The following TINAGL1 variants were observed in gnomAD, a reference collection of about 807,000 sequenced individuals.
TINAGL1 encodes the protein tubulointerstitial nephritis antigen-like.
In TINAGL1, 34 loss-of-function variants were observed where a neutral mutation model predicts 62.0. The observed-to-expected ratio is 0.55, with a 90% CI of 0.42 to 0.73. TINAGL1 has a LOEUF of 0.73. Among genes scored for constraint, TINAGL1 ranks in the 30% least tolerant of loss-of-function variants. The probability of loss-of-function intolerance (pLI) is 0.00; values close to 1 mark genes in which losing one functional copy is unlikely to be tolerated. For missense variants in TINAGL1, 516 were observed against 653.2 expected (o/e 0.79, Z 2.29); for synonymous variants, 221 against 249.7 (o/e 0.88, Z 1.08).
chr1:31,585,215 C>CCCTAGA lies in TINAGL1; in HGVS notation c.925_926insAGACCT (p.Pro308_Cys309insTer). 2 of 1,612,968 alleles carry CCCTAGA rather than the reference C, an allele frequency of 1.2e-6. No individual in the cohort carries two copies. Among genetic ancestry groups the CCCTAGA allele is most frequent in the Non-Finnish European group, 1.7e-6 (2 of 1,179,416 alleles). The stretch of plus-strand genomic sequence containing the variant: ...ACGAGACGAGGCTGGCCCTGCGCCC[C>CCCTAGA]CCTGTATGATGCACAGCCGAGCCAT... On this transcript the variant is annotated stop_gained and inframe_insertion, in exon 8 of 12. Coordinates refer to ENST00000271064, the MANE Select transcript of TINAGL1 (RefSeq NM_022164.3). LOFTEE classifies it high-confidence loss of function. This position sits in a 1 kb window ranked among gnomAD's most constrained non-coding sequence, Gnocchi z 4.3.
rs1360135911 is a variant in TINAGL1 at position 31,585,692 on chromosome 1, C to T, written c.1094-61C>T. 1.3e-6 allele frequency: 2 copies of T among 1,580,330 alleles called. No individual in the cohort carries two copies. The highest frequency in any genetic ancestry group is 2.7e-5 in the African/African-American group (2 of 74,306). On this transcript the variant is annotated intron_variant, in intron 9 of 11. Transcript: ENST00000271064. The surrounding 1 kb of genome is among the most constrained non-coding windows in gnomAD (Gnocchi z 4.3). ...TGGTGCCTGGGCACATCTCAATAGA[C>T]TCAGGCTCCAGTGCCTGTGCCAACG...
chr1:31,578,877 GGTGT>G (rs57769142), intron 2 of TINAGL1, among the ~76,000 whole-genome samples: 1 of 76,436 alleles, frequency 1.3e-5, no homozygotes, highest in Non-Finnish European at 2.4e-5. Context: ...AGTGAGAGCT[GGTGT>G]GTGTGTGTGT....
chr1:31,578,013 T>C, intron 2 of TINAGL1: 2 of 232,170 alleles, frequency 8.6e-6, no homozygotes, highest in Non-Finnish European at 1.4e-5. Context: ...TGTGTTATCT[T>C]AGGACGGTTG....
At chr1:31,580,357 A>T (rs893685015) in intron 3 of TINAGL1, 9 of 1,286,960 alleles carry the variant, frequency 7.0e-6, no homozygotes, top group Non-Finnish European at 7.1e-6. Flanking sequence ...CCCTGGGGGC[A>T]AAGGAGGAGA....
intron 3 of TINAGL1, among the ~76,000 whole-genome samples, chr1:31,580,960 T>C (rs1327503787): frequency 6.6e-6 from 1 of 152,052 alleles, no homozygotes; most frequent in Admixed American, 6.6e-5. Flanking sequence ...AAAGAGAGGA[T>C]AACGGGGGTC....
At chr1:31,580,337 G>T (rs1408790441) in intron 3 of TINAGL1, 1 of 1,281,796 alleles carries the variant, frequency 7.8e-7, no homozygotes, top group Non-Finnish European at 1.0e-6. Context: ...GCCTGGACCT[G>T]TGTGGGCAGC....
At chr1:31,586,624 G>T (rs1570222084) in intron 10 of TINAGL1, 86 bp from the exon 11 acceptor site, 2 of 1,512,180 alleles carry the variant, frequency 1.3e-6, no homozygotes, top group East Asian at 4.9e-5. Flanking sequence ...AGGCAACTGG[G>T]GGCTGGATGG....
At chr1:31,579,145 G>A in intron 2 of TINAGL1, 59 bp from the exon 3 acceptor site, 1 of 1,425,424 alleles carries the variant, frequency 7.0e-7, no homozygotes. Flanking sequence ...CAAGGACCTG[G>A]CCAATTAGCC....
At chr1:31,580,063 CTGTGTGTG>C (rs67386887) in intron 3 of TINAGL1, among the ~76,000 whole-genome samples, 6 of 149,372 alleles carry the variant, frequency 4.0e-5, no homozygotes, top group South Asian at 2.1e-4. Flanking sequence ...TGTGTGTGCA[CTGTGTGTG>C]TGTGTGTGTG....
chr1:31,586,300 G>T, intron 10 of TINAGL1: 1 of 345,326 alleles, frequency 2.9e-6, no homozygotes, highest in Non-Finnish European at 5.3e-6. Context: ...TTTACGGTGG[G>T]AATTGGCGGT....
Position 31,577,345 on chromosome 1 carries a change from A to T in TINAGL1, c.197A>T (p.Tyr66Phe). 6.2e-7 allele frequency: 1 copy of T among 1,613,904 alleles called. No homozygotes were observed. The highest frequency in any genetic ancestry group is 1.1e-5 in the South Asian group (1 of 91,082). ...CGTGCCGACGACTGTGCCCTGCCCTACCTGGGCGCCATCTGTTACTGTGAC... is the reference window on the plus strand; with the variant it reads ...CGTGCCGACGACTGTGCCCTGCCCTTCCTGGGCGCCATCTGTTACTGTGAC... ...RGRADDCALPYLGAICYCDLF... is the reference protein window; with the variant it reads ...RGRADDCALPFLGAICYCDLF... Residue 66 changes from tyrosine (Y) to phenylalanine (F), a missense_variant, in exon 2 of 12, where the codon TAC becomes TTC. Coordinates refer to ENST00000271064, the MANE Select transcript of TINAGL1 (RefSeq NM_022164.3). The surrounding 1 kb of genome is among the most constrained non-coding windows in gnomAD (Gnocchi z 5.4).
At chr1:31,579,328 C>A in intron 3 of TINAGL1, 61 bp downstream of exon 3, 1 of 1,478,844 alleles carries the variant, frequency 6.8e-7, no homozygotes, top group South Asian at 1.1e-5. Flanking sequence ...AGACTTGGTT[C>A]AAATCTTATC....
At position 31,584,644 on chromosome 1, in the gene TINAGL1, G is replaced by A. The variant is rs776396467; in HGVS notation, c.583-34G>A. The A allele has an allele frequency of 1.2e-6, 2 of 1,612,280 alleles. No homozygotes were observed. Among genetic ancestry groups the A allele is most frequent in the East Asian group, 4.5e-5 (2 of 44,882 alleles). Reference sequence around the variant, plus strand: ...CACCTGAGGGGCAGGCCAGGGCAGAGCAGGAGGCAGACAGGGCAACCTTTA... The same window carrying A: ...CACCTGAGGGGCAGGCCAGGGCAGAACAGGAGGCAGACAGGGCAACCTTTA... On this transcript the variant is annotated intron_variant, in intron 5 of 11. Coordinates refer to ENST00000271064, the MANE Select transcript of TINAGL1 (RefSeq NM_022164.3). The surrounding 1 kb of genome is among the most constrained non-coding windows in gnomAD (Gnocchi z 4.0).
Position 31,583,945 on chromosome 1 carries a change from T to A in TINAGL1, c.582+370T>A. 1 of 199,880 alleles carries A rather than the reference T, an allele frequency of 5.0e-6. No homozygotes were observed. The highest frequency in any genetic ancestry group is 1.2e-4 in the South Asian group (1 of 8,232). 12.4% of individuals were successfully genotyped at this position (199,880 alleles called of 1,614,324 possible). On this transcript the variant is annotated intron_variant, in intron 5 of 11. Coordinates refer to ENST00000271064, the MANE Select transcript of TINAGL1 (RefSeq NM_022164.3). This position sits in a 1 kb window ranked among gnomAD's most constrained non-coding sequence, Gnocchi z 4.4. ...TCCAGTTCTGGCCAGAGGGCAGCAGTTCTCGGAAATAAATGCCGGTTCAGC... is the reference window on the plus strand; with the variant it reads ...TCCAGTTCTGGCCAGAGGGCAGCAGATCTCGGAAATAAATGCCGGTTCAGC...
Position 31,583,558 on chromosome 1 carries a change from A to G in TINAGL1, c.565A>G (p.Asn189Asp), listed in dbSNP as rs973513429. The change falls in exon 5 of 12, where the codon AAC becomes GAC. Residue 189 changes from asparagine (N) to aspartate (D), a missense_variant. Coordinates refer to ENST00000271064, the MANE Select transcript of TINAGL1 (RefSeq NM_022164.3). The surrounding 1 kb of genome is among the most constrained non-coding windows in gnomAD (Gnocchi z 4.4). The stretch of plus-strand genomic sequence containing the variant: ...CATCCGCCCATCTTCCTCGGTCATG[A>G]ACATGCATGAAATTTATGTAAGTCC... ...GTIRPSSSVM[N>D]MHEIYTVLNP... is the part of the protein sequence containing the mutation. The G allele has an allele frequency of 8.1e-6, 13 of 1,613,392 alleles. No individual in the cohort carries two copies. The highest frequency in any genetic ancestry group is 8.5e-6 in the Non-Finnish European group (10 of 1,179,848).
rs143864604 is a variant in TINAGL1, at chr1:31,579,241, A to G, written c.348A>G (p.Gly116=). ...MHGGRIYPVL[G]TYWDNCNRCT... ...GAGGTCGTATCTATCCAGTCTTGGG[A>G]ACGTACTGGGACAACTGTAACCGTT... The change falls in exon 3 of 12, where the codon GGA becomes GGG. Residue 116 remains glycine (G), a synonymous_variant. Transcript: ENST00000271064. The G allele has an allele frequency of 2.5e-6, 4 of 1,613,908 alleles. No homozygotes were observed. The African/African-American group carries it at 5.3e-5, about 22-fold the overall frequency.
intron 3 of TINAGL1, among the ~76,000 whole-genome samples, chr1:31,581,165 C>G (rs1384471424): frequency 6.6e-6 from 1 of 152,100 alleles, no homozygotes; most frequent in Admixed American, 6.5e-5. Flanking sequence ...GGCCACGTTC[C>G]GTGGCTCACA....
intron 3 of TINAGL1, among the ~76,000 whole-genome samples, chr1:31,582,702 C>T (rs914683491): frequency 1.1e-4 from 16 of 152,014 alleles, no homozygotes; most frequent in Non-Finnish European, 7.4e-5. Flanking sequence ...GAGAGTGGTT[C>T]GGATTCTGGA....
rs761624373 is a variant in TINAGL1, at chr1:31,583,354, CTG to C, written c.468-100_468-99del. 60 of 1,468,944 alleles carry C rather than the reference CTG, an allele frequency of 4.1e-5. No individual in the cohort carries two copies. Among genetic ancestry groups the C allele is most frequent in the Non-Finnish European group, 5.6e-5 (59 of 1,059,736 alleles). The allele number at this position is 1,468,944 out of a possible 1,614,324, so 91.0% of individuals were successfully genotyped here. A position where few individuals can be genotyped will look rare whatever the true frequency, so the allele number is the denominator to read the frequency against. ...AGGCCACTCCTACACCCAGATTTGA[CTG>C]TGTGTGCGCTCAGCCACTGTGCGTC... On this transcript the variant is annotated intron_variant, in intron 4 of 11. Transcript: ENST00000271064. This position sits in a 1 kb window ranked among gnomAD's most constrained non-coding sequence, Gnocchi z 4.4.
Sources: gnomAD v4.1 joint callset for allele counts (sites outside exome capture counted in the v4.1 genomes callset) on GRCh38, gnomAD v4.1.1 for gene constraint, Gnocchi (gnomAD v3.1) non-coding constraint, MANE v1.5 for transcripts, NCBI Gene and HGNC (gene_info 2026-07-23, HGNC 2026-07-21) for gene names.